The following COL4A1 variants were observed in gnomAD, a reference collection of about 807,000 sequenced individuals.
The protein encoded by COL4A1 is collagen alpha-1(IV) chain.
In COL4A1, 40 loss-of-function variants were observed where a neutral mutation model predicts 216.6. The ratio of observed to expected loss-of-function variants is 0.18; its 90% CI spans 0.14 to 0.24. COL4A1 has a LOEUF of 0.24. COL4A1 is among the 10% of genes least tolerant of loss of function. COL4A1 has a pLI of 1.00. For synonymous variants in COL4A1, 839 were observed against 810.7 expected (o/e 1.03, Z -0.59); for missense variants, 1,628 against 2,196.8 (o/e 0.74, Z 5.18).
intron 2 of COL4A1, among the ~76,000 whole-genome samples, chr13:110,219,326 G>T (rs1370529659): frequency 2.0e-5 from 3 of 152,190 alleles, no homozygotes; most frequent in Non-Finnish European, 4.4e-5. Context: ...GTATGTGAAT[G>T]AAATTTAACA....
At chr13:110,179,522 A>C in intron 29 of COL4A1, 101 bp from the exon 30 acceptor site, 6 of 1,523,140 alleles carry the variant, frequency 3.9e-6, no homozygotes, top group Non-Finnish European at 5.4e-6. Flanking sequence ...CTGCCAATGC[A>C]TTTAGTAAGA....
intron 1 of COL4A1, among the ~76,000 whole-genome samples, chr13:110,255,543 AAGGAAGGGAAGGGGGCAGGC>A (rs1362462150): frequency 1.7e-4 from 17 of 101,204 alleles, no homozygotes; most frequent in Non-Finnish European, 3.3e-4. Flanking sequence ...AAAGGAGGGA[AAGGAAGGGAAGGGGGCAGGC>A]AGGAAGGGAG....
At position 110,173,003 on chromosome 13, in the gene COL4A1, C is replaced by T. The variant is rs76348017; in HGVS notation, c.3506-233G>A. 0.014 allele frequency among the ~76,000 whole-genome samples: 2,188 copies of T among 152,290 alleles called. 62 individuals are homozygous for T. Among genetic ancestry groups the T allele is most frequent in the African/African-American group, 0.05 (2,097 of 41,550 alleles). On this transcript the variant is annotated intron_variant, in intron 40 of 51. Coordinates refer to ENST00000375820, the MANE Select transcript of COL4A1 (RefSeq NM_001845.6). ...AGTACCTTTCAGCTCAGAACCACCA[C>T]GGCATTTAGCACAAATGATCTGTGC... is the stretch of plus-strand genomic sequence containing the variant.
At chr13:110,251,283 C>T (rs1882061641) in intron 1 of COL4A1, among the ~76,000 whole-genome samples, 1 of 152,244 alleles carries the variant, frequency 6.6e-6, no homozygotes, top group South Asian at 2.1e-4. Flanking sequence ...TCTGCCTTCA[C>T]TTTCAACATC....
intron 1 of COL4A1, among the ~76,000 whole-genome samples, chr13:110,253,753 TATA>T (rs1882371351): frequency 1.1e-5 from 1 of 90,500 alleles, no homozygotes; most frequent in African/African-American, 3.3e-5. Flanking sequence ...TACATATACA[TATA>T]ATTATACGTA....
intron 2 of COL4A1, among the ~76,000 whole-genome samples, chr13:110,241,643 A>T (rs1349878563): frequency 6.6e-6 from 1 of 152,224 alleles, no homozygotes; most frequent in East Asian, 1.9e-4. Flanking sequence ...CTTTCCTTAC[A>T]TACTCCATTC....
chr13:110,219,688 A>ATGTATATACATATGTGTATATATATGTG (rs1880296457), intron 2 of COL4A1, among the ~76,000 whole-genome samples: 3 of 114,022 alleles, frequency 2.6e-5, no homozygotes, highest in African/African-American at 9.7e-5. Flanking sequence ...GTGTATATAT[A>ATGTATATACATATGTGTATATATATGTG]TGTATATATA....
intron 1 of COL4A1, among the ~76,000 whole-genome samples, chr13:110,287,424 C>T (rs549242987): frequency 5.5e-4 from 84 of 152,340 alleles, no homozygotes; most frequent in African/African-American, 2.0e-3. Context: ...AATATCTTAT[C>T]TTTGTGAAGT....
At chr13:110,203,402 G>T (rs994339441) in intron 18 of COL4A1, among the ~76,000 whole-genome samples, 164 bp downstream of exon 18, 4 of 152,018 alleles carry the variant, frequency 2.6e-5, no homozygotes, top group African/African-American at 9.7e-5. Context: ...TGCAATTCTA[G>T]AGACAGCTGT....
intron 1 of COL4A1, among the ~76,000 whole-genome samples, chr13:110,264,982 T>C (rs1440042729): frequency 1.3e-5 from 2 of 152,254 alleles, no homozygotes; most frequent in Non-Finnish European, 2.9e-5. Context: ...TCCTTCCCTG[T>C]TGCTGGATCG....
At chr13:110,191,748 C>A in intron 24 of COL4A1, 1 of 623,796 alleles carries the variant, frequency 1.6e-6, no homozygotes, top group Non-Finnish European at 2.8e-6. Context: ...TTTCCTTGAT[C>A]TTTTCATAGA....
chr13:110,272,271 A>G (rs575325557), intron 1 of COL4A1, among the ~76,000 whole-genome samples: 10 of 152,346 alleles, frequency 6.6e-5, no homozygotes, highest in African/African-American at 2.2e-4. Context: ...ACATTTTTCC[A>G]TAGACAGAGA....
chr13:110,155,522 T>A, intron 49 of COL4A1, 125 bp from the exon 50 acceptor site: 1 of 731,502 alleles, frequency 1.4e-6, no homozygotes, highest in Non-Finnish European at 2.5e-6. Context: ...ACATATTAAG[T>A]AGAAAACATT....
chr13:110,187,931 G>A (rs1345818927), intron 24 of COL4A1, among the ~76,000 whole-genome samples: 1 of 152,172 alleles, frequency 6.6e-6, no homozygotes, highest in African/African-American at 2.4e-5. Context: ...GACTTCCAGG[G>A]CACCAGTGAG....
intron 1 of COL4A1, among the ~76,000 whole-genome samples, chr13:110,253,239 A>C (rs1882271677): frequency 7.9e-6 from 1 of 127,372 alleles, no homozygotes; most frequent in African/African-American, 3.2e-5. Flanking sequence ...ACATATAATT[A>C]GGTATATATA....
rs749746856 is a variant in COL4A1, at chr13:110,174,488, G to A, written c.3364C>T (p.Leu1122Phe). The change falls in exon 39 of 52, where the codon CTC (leucine) becomes TTC (phenylalanine). Residue 1122 changes from leucine to phenylalanine, a missense_variant. Coordinates refer to ENST00000375820, the MANE Select transcript of COL4A1 (RefSeq NM_001845.6). ...GLPGEKGDKG[L>F]PGLDGIPGVK... ...CCAGGGATGCCATCCAATCCTGGGAGGCCTTTGTCACCTTTTTCTCCAGGT... is the reference window on the plus strand; with the variant it reads ...CCAGGGATGCCATCCAATCCTGGGAAGCCTTTGTCACCTTTTTCTCCAGGT... 2 of 1,614,108 alleles carry A rather than the reference G, an allele frequency of 1.2e-6. No homozygotes were observed. Among genetic ancestry groups the A allele is most frequent in the Non-Finnish European group, 8.5e-7 (1 of 1,180,016 alleles).
intron 1 of COL4A1, among the ~76,000 whole-genome samples, chr13:110,295,286 T>A (rs9301444): frequency 0.95 from 140,939 of 148,192 alleles, 67,420 homozygotes; most frequent in East Asian, 1. Context: ...TGAGACGGAG[T>A]TTGTACAGAG....
chr13:110,226,038 C>T (rs1397399668), intron 2 of COL4A1, among the ~76,000 whole-genome samples: 3 of 152,202 alleles, frequency 2.0e-5, no homozygotes, highest in South Asian at 4.1e-4. Flanking sequence ...TTTATTCTCA[C>T]GATTTCTATG....
Position 110,276,463 on chromosome 13 carries a change from C to T in COL4A1, c.84+30481G>A, listed in dbSNP as rs554414776. On this transcript the variant is annotated intron_variant, in intron 1 of 51. Transcript: ENST00000375820. ...CTGATTCTCGTTGTACCGCCAAATC[C>T]ATCTCCTCTGCTGAGGCTCCTCTAC... 2.6e-5 allele frequency among the ~76,000 whole-genome samples: 4 copies of T among 152,258 alleles called. No homozygotes were observed. The East Asian group carries it at 5.8e-4, about 22-fold the overall frequency.
Sources: gnomAD v4.1 joint callset for allele counts (sites outside exome capture counted in the v4.1 genomes callset) on GRCh38, gnomAD v4.1.1 for gene constraint, MANE v1.5 for transcripts, NCBI Gene and HGNC (gene_info 2026-07-23, HGNC 2026-07-21) for gene names.